The following CHST8 variants were observed in gnomAD, a reference collection of about 807,000 sequenced individuals.
CHST8 encodes the protein GALNAC-4-ST1.
Under a neutral mutation model 15.0 loss-of-function variants are expected in CHST8, and 10 were observed. That is an observed-to-expected ratio of 0.67 (90% CI 0.41 to 1.13). The LOEUF is 1.13. Ranked by LOEUF, CHST8 falls within the 50% of genes most tolerant of loss-of-function variation. The pLI, the probability that CHST8 is intolerant of heterozygous loss-of-function variation, is 0.00. For missense variants in CHST8, 634 were observed against 608.2 expected (o/e 1.04, Z -0.45); for synonymous variants, 259 against 256.6 (o/e 1.01, Z -0.09).
intron 3 of CHST8, among the ~76,000 whole-genome samples, chr19:33,748,602 G>A (rs540971172): frequency 1.4e-4 from 21 of 152,340 alleles, no homozygotes; most frequent in African/African-American, 4.3e-4. Context: ...TCAACATGGT[G>A]TTGGGGGTGG....
intron 1 of CHST8, among the ~76,000 whole-genome samples, chr19:33,659,209 G>T (rs1387584975): frequency 6.6e-6 from 1 of 151,926 alleles, no homozygotes; most frequent in African/African-American, 2.4e-5. Context: ...GGGATTACAG[G>T]CAAGCGCCAC....
chr19:33,632,664 A>AC (rs1393582550), intron 1 of CHST8, among the ~76,000 whole-genome samples: 1 of 150,594 alleles, frequency 6.6e-6, no homozygotes, highest in African/African-American at 2.5e-5. Context: ...GGACCCCAGA[A>AC]CCCCCCCATG....
intron 3 of CHST8, among the ~76,000 whole-genome samples, chr19:33,732,447 C>T (rs1043227391): frequency 9.9e-5 from 15 of 151,738 alleles, no homozygotes; most frequent in South Asian, 6.2e-4. Context: ...CCACCTGCAC[C>T]GCTGGCCAAC....
intron 1 of CHST8, among the ~76,000 whole-genome samples, chr19:33,632,942 T>A (rs574195668): frequency 6.6e-6 from 1 of 152,078 alleles, no homozygotes; most frequent in Non-Finnish European, 1.5e-5. Context: ...CTAATTTTTG[T>A]GCCTCAGCCT....
chr19:33,723,714 C>G (rs1973842718), intron 3 of CHST8, among the ~76,000 whole-genome samples: 1 of 152,220 alleles, frequency 6.6e-6, no homozygotes, highest in African/African-American at 2.4e-5. Flanking sequence ...CTAGGCTCTG[C>G]CTTGGTGTGG....
At chr19:33,725,309 T>A (rs1973873534) in intron 3 of CHST8, among the ~76,000 whole-genome samples, 1 of 152,160 alleles carries the variant, frequency 6.6e-6, no homozygotes, top group Non-Finnish European at 1.5e-5. Context: ...ATCCTGTACC[T>A]GCTGTTGTGG....
intron 3 of CHST8, among the ~76,000 whole-genome samples, chr19:33,755,381 G>A (rs1386154260): frequency 6.6e-6 from 1 of 152,176 alleles, no homozygotes; most frequent in Non-Finnish European, 1.5e-5. Context: ...ACAATATTTT[G>A]TTTGGAGCTG....
chr19:33,746,698 A>T (rs935920368), intron 3 of CHST8, among the ~76,000 whole-genome samples: 1 of 152,248 alleles, frequency 6.6e-6, no homozygotes, highest in African/African-American at 2.4e-5. Context: ...AGTCACAGCC[A>T]TGCGGCCAGG....
At chr19:33,747,256 G>A (rs921145333) in intron 3 of CHST8, among the ~76,000 whole-genome samples, 3 of 152,136 alleles carry the variant, frequency 2.0e-5, no homozygotes, top group East Asian at 1.9e-4. Flanking sequence ...GGGCAGGTGC[G>A]CCCTTCCCCT....
intron 3 of CHST8, among the ~76,000 whole-genome samples, chr19:33,727,867 T>C (rs574621133): frequency 1.3e-5 from 2 of 152,362 alleles, no homozygotes; most frequent in Admixed American, 1.3e-4. Context: ...CCTCTCTTTT[T>C]CGGCCTCCAC....
chr19:33,721,516 GGGTGGATGGATGGATAGATA>G (rs992619748), intron 3 of CHST8, among the ~76,000 whole-genome samples: 3 of 151,860 alleles, frequency 2.0e-5, no homozygotes, highest in Non-Finnish European at 4.4e-5. Flanking sequence ...ATGGATGGAT[GGGTGGATGGATGGATAGATA>G]GGTGGATGGA....
chr19:33,622,712 G>T (rs1462837125), intron 1 of CHST8, among the ~76,000 whole-genome samples: 6 of 152,134 alleles, frequency 3.9e-5, no homozygotes, highest in South Asian at 2.1e-4. Flanking sequence ...TTCCTGGCGC[G>T]CTCGGAGCCG....
intron 1 of CHST8, among the ~76,000 whole-genome samples, chr19:33,646,994 A>C (rs1351688963): frequency 6.6e-6 from 1 of 152,260 alleles, no homozygotes; most frequent in African/African-American, 2.4e-5. Context: ...GCCTATGCCC[A>C]GGAATGAACA....
intron 1 of CHST8, among the ~76,000 whole-genome samples, chr19:33,665,994 C>T (rs73589066): frequency 0.03 from 4,585 of 152,296 alleles, 207 homozygotes; most frequent in African/African-American, 0.1. Context: ...CCTCTGGCTC[C>T]GGGACGGGGT....
Position 33,716,379 on chromosome 19 carries a change from G to T in CHST8, c.130+26988G>T, listed in dbSNP as rs148157094. On this transcript the variant is annotated intron_variant, in intron 3 of 4. Coordinates refer to ENST00000650847, the MANE Select transcript of CHST8 (RefSeq NM_001127895.2). ...ATAAACATGTGATTGATTTTGTTTT[G>T]TTTTTGAGACAGGGTCTCACTCGGT... Among the ~76,000 whole-genome samples, 572 of 152,170 alleles carry T rather than the reference G, an allele frequency of 3.8e-3. 5 individuals carry two copies. Among genetic ancestry groups the T allele is most frequent in the African/African-American group, 0.012 (513 of 41,524 alleles).
intron 3 of CHST8, among the ~76,000 whole-genome samples, chr19:33,757,394 GAA>G (rs1173593230): frequency 1.2e-3 from 6 of 4,944 alleles, no homozygotes; most frequent in East Asian, 0.01. Flanking sequence ...AAAGAAGAAA[GAA>G]AGAAAGAAAG....
intron 3 of CHST8, among the ~76,000 whole-genome samples, chr19:33,730,651 T>C (rs926081693): frequency 6.6e-6 from 1 of 152,314 alleles, no homozygotes; most frequent in African/African-American, 2.4e-5. Context: ...AGTGTATTAG[T>C]CAGGGTTTTC....
chr19:33,680,088 G>A (rs1972864867), intron 2 of CHST8, among the ~76,000 whole-genome samples: 1 of 152,004 alleles, frequency 6.6e-6, no homozygotes, highest in Non-Finnish European at 1.5e-5. Flanking sequence ...CCCTTTGCAG[G>A]TATTGATCCT....
chr19:33,742,063 C>G (rs1014323790), intron 3 of CHST8, among the ~76,000 whole-genome samples: 2 of 151,084 alleles, frequency 1.3e-5, no homozygotes, highest in Non-Finnish European at 3.0e-5. Context: ...ATGTAAATGT[C>G]AAAAAAAAAT....
Sources: gnomAD v4.1 joint callset for allele counts (sites outside exome capture counted in the v4.1 genomes callset) on GRCh38, gnomAD v4.1.1 for gene constraint, MANE v1.5 for transcripts, NCBI Gene and HGNC (gene_info 2026-07-23, HGNC 2026-07-21) for gene names.